FBXL17: variants seen among roughly 807,000 people sequenced by gnomAD.
FBXL17 encodes the protein F-box and leucine rich repeat protein 17.
FBXL17 carries 22 observed loss-of-function variants against 66.2 expected under a neutral mutation model. That is an observed-to-expected ratio of 0.33 (90% confidence interval 0.24 to 0.47). The LOEUF is 0.47. Among genes scored for constraint, FBXL17 ranks in the 20% least tolerant of loss-of-function variants. The pLI, the probability that FBXL17 is intolerant of heterozygous loss-of-function variation, is 1.00. For synonymous variants in FBXL17, 474 were observed against 400.5 expected (o/e 1.18, Z -2.19); for missense variants, 878 against 948.2 (o/e 0.93, Z 0.97).
intron 7 of FBXL17, among the ~76,000 whole-genome samples, chr5:107,929,311 G>A (rs570393924): frequency 1.3e-5 from 2 of 152,224 alleles, no homozygotes; most frequent in African/African-American, 4.8e-5. Flanking sequence ...TTGTCCTGAT[G>A]CTTCTTTCCT....
At chr5:108,046,177 G>A (rs78797388) in intron 6 of FBXL17, among the ~76,000 whole-genome samples, 17 of 152,232 alleles carry the variant, frequency 1.1e-4, no homozygotes, top group African/African-American at 4.1e-4. Context: ...TGTCTAATGG[G>A]TGGATTGATC....
At chr5:108,203,259 T>G (rs949251669) in intron 5 of FBXL17, among the ~76,000 whole-genome samples, 4 of 151,998 alleles carry the variant, frequency 2.6e-5, no homozygotes, top group African/African-American at 9.7e-5. Context: ...TAGAGGCAGG[T>G]AGATGGTATT....
At chr5:107,937,493 G>A (rs936392100) in intron 7 of FBXL17, among the ~76,000 whole-genome samples, 1 of 152,112 alleles carries the variant, frequency 6.6e-6, no homozygotes, top group Non-Finnish European at 1.5e-5. Context: ...AGAAAAACAG[G>A]CCATGATTAC....
chr5:107,941,139 C>T (rs1350696960), intron 7 of FBXL17, among the ~76,000 whole-genome samples: 1 of 150,808 alleles, frequency 6.6e-6, no homozygotes, highest in East Asian at 1.9e-4. Context: ...ACCCCACACA[C>T]TTTTTTCTGC....
intron 6 of FBXL17, among the ~76,000 whole-genome samples, chr5:108,048,655 A>G (rs1747352428): frequency 6.6e-6 from 1 of 152,214 alleles, no homozygotes; most frequent in South Asian, 2.1e-4. Context: ...GAACTTCATG[A>G]AGCATACACA....
intron 4 of FBXL17, among the ~76,000 whole-genome samples, chr5:108,347,327 T>C (rs1025660712): frequency 6.6e-6 from 1 of 152,202 alleles, no homozygotes; most frequent in Admixed American, 6.5e-5. Flanking sequence ...ACAGGACCAC[T>C]ACTGTATATG....
At chr5:108,013,014 CAAAAA>C (rs57393639) in intron 7 of FBXL17, among the ~76,000 whole-genome samples, 10 of 79,426 alleles carry the variant, frequency 1.3e-4, no homozygotes, top group Admixed American at 5.9e-4. Context: ...AACTCCGTCT[CAAAAA>C]AAAAAAAAAA....
At chr5:108,103,649 C>T (rs1749684389) in intron 6 of FBXL17, among the ~76,000 whole-genome samples, 1 of 152,038 alleles carries the variant, frequency 6.6e-6, no homozygotes, top group Admixed American at 6.5e-5. Context: ...TGTAGTAAAA[C>T]TTTTTATTTT....
chr5:108,072,898 C>T (rs1030181033), intron 6 of FBXL17, among the ~76,000 whole-genome samples: 1 of 152,092 alleles, frequency 6.6e-6, no homozygotes, highest in Non-Finnish European at 1.5e-5. Context: ...CCTATAGTTA[C>T]ACAAATAAAA....
intron 4 of FBXL17, among the ~76,000 whole-genome samples, chr5:108,341,252 C>G (rs1398148921): frequency 6.6e-6 from 1 of 151,982 alleles, no homozygotes; most frequent in Non-Finnish European, 1.5e-5. Flanking sequence ...CTTTGTGAGA[C>G]CAGATATTTA....
At chr5:107,951,267 TC>T (rs1751490403) in intron 7 of FBXL17, among the ~76,000 whole-genome samples, 1 of 152,252 alleles carries the variant, frequency 6.6e-6, no homozygotes, top group African/African-American at 2.4e-5. Flanking sequence ...ATGCAATATT[TC>T]TTCCCTATTT....
At chr5:108,091,092 G>C (rs967533655) in intron 6 of FBXL17, among the ~76,000 whole-genome samples, 2 of 152,188 alleles carry the variant, frequency 1.3e-5, no homozygotes, top group African/African-American at 2.4e-5. Context: ...GACGTTAGCA[G>C]AGCAAGCTGT....
At chr5:108,355,123 T>C (rs2112514869) in intron 3 of FBXL17, among the ~76,000 whole-genome samples, 1 of 152,014 alleles carries the variant, frequency 6.6e-6, no homozygotes, top group Admixed American at 6.5e-5. Context: ...ATAAAAACAT[T>C]TATTTTCCTT....
At chr5:108,019,719 G>T (rs1754516732) in intron 7 of FBXL17, among the ~76,000 whole-genome samples, 1 of 151,758 alleles carries the variant, frequency 6.6e-6, no homozygotes, top group African/African-American at 2.4e-5. Flanking sequence ...ACTCTTTAGG[G>T]TCTAGACAAT....
chr5:108,052,124 AAAAAAAAAAAG>A (rs1397580203), intron 6 of FBXL17, among the ~76,000 whole-genome samples: 3 of 146,942 alleles, frequency 2.0e-5, no homozygotes, highest in Non-Finnish European at 3.0e-5. Context: ...AAAAAAAAAA[AAAAAAAAAAAG>A]AAAAAAGAAA....
intron 4 of FBXL17, among the ~76,000 whole-genome samples, chr5:108,292,198 C>T (rs771421153): frequency 7.3e-5 from 11 of 151,698 alleles, no homozygotes; most frequent in South Asian, 2.1e-4. Context: ...CTTGGCTCAC[C>T]GCAAGCTCCA....
chr5:107,919,938 G>GT (rs1750255973), intron 7 of FBXL17, among the ~76,000 whole-genome samples: 1 of 152,086 alleles, frequency 6.6e-6, no homozygotes, highest in Non-Finnish European at 1.5e-5. Flanking sequence ...GACAATTCCT[G>GT]GGGTATAGTA....
At chr5:108,210,774 G>C (rs924276861) in intron 5 of FBXL17, among the ~76,000 whole-genome samples, 17 of 152,156 alleles carry the variant, frequency 1.1e-4, no homozygotes, top group African/African-American at 3.9e-4. Flanking sequence ...GTGCTGAGAA[G>C]AATGTATATT....
chr5:108,113,414 T>C (rs371565891), intron 6 of FBXL17, among the ~76,000 whole-genome samples: 8 of 152,272 alleles, frequency 5.3e-5, no homozygotes, highest in South Asian at 2.1e-4. Context: ...TTCCAACATA[T>C]GCACATGTGT....
Sources: gnomAD v4.1 joint callset for allele counts (sites outside exome capture counted in the v4.1 genomes callset) on GRCh38, gnomAD v4.1.1 for gene constraint, MANE v1.5 for transcripts, NCBI Gene and HGNC (gene_info 2026-07-23, HGNC 2026-07-21) for gene names.